SWAP70: variants seen among roughly 807,000 people sequenced by gnomAD.
The protein encoded by SWAP70 is switching B cell complex subunit SWAP70, also known as switch-associated protein 70.
SWAP70 carries 34 observed loss-of-function variants against 80.2 expected under a neutral mutation model. The ratio of observed to expected loss-of-function variants is 0.42; its 90% CI spans 0.32 to 0.56. The LOEUF (loss-of-function observed/expected upper bound fraction) is 0.56. SWAP70 is among the 20% of genes least tolerant of loss of function. The pLI is 0.09. For missense variants in SWAP70, 578 were observed against 690.7 expected (o/e 0.84, Z 1.83); for synonymous variants, 239 against 238.5 (o/e 1.00, Z -0.02).
intron 2 of SWAP70, among the ~76,000 whole-genome samples, chr11:9,710,269 A>G (rs2134470621): frequency 6.6e-6 from 1 of 152,314 alleles, no homozygotes; most frequent in Non-Finnish European, 1.5e-5. Flanking sequence ...AACATATAAA[A>G]TGCCTAGCAT....
intron 1 of SWAP70, among the ~76,000 whole-genome samples, chr11:9,690,911 T>A (rs1850690346): frequency 6.6e-6 from 1 of 151,982 alleles, no homozygotes; most frequent in African/African-American, 2.4e-5. Context: ...TATAATTAAT[T>A]AATTAATTTT....
intron 2 of SWAP70, among the ~76,000 whole-genome samples, chr11:9,699,756 T>A (rs890885335): frequency 6.6e-6 from 1 of 151,914 alleles, no homozygotes; most frequent in African/African-American, 2.4e-5. Flanking sequence ...CTTGAGAGAC[T>A]GAGGTGGGAG....
chr11:9,671,510 AAAT>A (rs1422980573), intron 1 of SWAP70, among the ~76,000 whole-genome samples: 4 of 87,828 alleles, frequency 4.6e-5, no homozygotes, highest in African/African-American at 1.7e-4. Context: ...AAATATATAT[AAAT>A]ATATATATAA....
intron 1 of SWAP70, among the ~76,000 whole-genome samples, chr11:9,670,823 G>A (rs1850366947): frequency 1.3e-5 from 2 of 151,410 alleles, no homozygotes; most frequent in South Asian, 2.1e-4. Context: ...GGGCCATCTC[G>A]GCTCACTGCA....
chr11:9,708,945 GAGT>G (rs1276582384), intron 2 of SWAP70, among the ~76,000 whole-genome samples: 1 of 152,168 alleles, frequency 6.6e-6, no homozygotes, highest in African/African-American at 2.4e-5. Flanking sequence ...ACCCAGACTA[GAGT>G]GTGAATTTGT....
At chr11:9,667,800 A>G (rs1850327251) in intron 1 of SWAP70, among the ~76,000 whole-genome samples, 1 of 152,216 alleles carries the variant, frequency 6.6e-6, no homozygotes, top group Non-Finnish European at 1.5e-5. Context: ...AGCTCAGACT[A>G]TATGCCTGCC....
At chr11:9,704,118 G>A (rs1237588232) in intron 2 of SWAP70, among the ~76,000 whole-genome samples, 1 of 152,022 alleles carries the variant, frequency 6.6e-6, no homozygotes, top group Non-Finnish European at 1.5e-5. Flanking sequence ...CCAAATTCTG[G>A]ATTTCTGAGA....
rs71034730 is a variant in SWAP70, at chr11:9,705,175, TTGGTGATCTGTATACAC to T, written c.241-8260_241-8244del. 1.4e-4 allele frequency among the ~76,000 whole-genome samples: 14 copies of T among 101,876 alleles called. 1 individual carries two copies. The highest frequency in any genetic ancestry group is 2.7e-4 in the South Asian group (1 of 3,694). 66.8% of individuals were successfully genotyped at this position (101,876 alleles called of 152,430 possible). A position where few individuals can be genotyped will look rare whatever the true frequency, so the allele number is the denominator to read the frequency against. On this transcript the variant is annotated intron_variant, in intron 2 of 11. Coordinates refer to ENST00000318950, the MANE Select transcript of SWAP70 (RefSeq NM_015055.4). ...GTATGCACTGGTGATATGTATATAC[TTGGTGATCTGTATACAC>T]TGGTGATCTGTATACACTGGTGATC...
At chr11:9,705,730 C>G (rs1172857432) in intron 2 of SWAP70, among the ~76,000 whole-genome samples, 2 of 141,498 alleles carry the variant, frequency 1.4e-5, no homozygotes, top group African/African-American at 5.9e-5. Context: ...TCTGTGTACA[C>G]TTGGTGATCT....
chr11:9,708,708 C>A lies in SWAP70; in HGVS notation c.241-4758C>A, dbSNP rs1476783435. 4.6e-5 allele frequency among the ~76,000 whole-genome samples: 7 copies of A among 152,196 alleles called. No homozygotes were observed. The South Asian group carries it at 1.4e-3, about 31-fold the overall frequency. On this transcript the variant is annotated intron_variant, in intron 2 of 11. Coordinates refer to ENST00000318950, the MANE Select transcript of SWAP70 (RefSeq NM_015055.4). ...ATCACTTCTTGTTCTCAGAGCAAGG[C>A]TATCTGCTTTTGTGCACATGTCATT...
At position 9,721,471 on chromosome 11, in the gene SWAP70, CTT is replaced by C. The variant is rs11331062; in HGVS notation, c.415-3173_415-3172del. 5.2e-3 allele frequency among the ~76,000 whole-genome samples: 719 copies of C among 138,072 alleles called. 6 individuals carry two copies. Among genetic ancestry groups the C allele is most frequent in the Non-Finnish European group, 8.3e-3 (536 of 64,266 alleles). 90.6% of individuals were successfully genotyped at this position (138,072 alleles called of 152,430 possible). On this transcript the variant is annotated intron_variant, in intron 3 of 11. Transcript: ENST00000318950. The stretch of plus-strand genomic sequence containing the variant: ...CTTTTAATATATTTTTTCTTTCTTT[CTT>C]TTTTTTTTTTTTTAATGAGATAGGG...
intron 9 of SWAP70, 73 bp downstream of exon 9, chr11:9,740,420 C>A: frequency 6.9e-7 from 1 of 1,452,242 alleles, no homozygotes; most frequent in Admixed American, 1.7e-5. Context: ...GAATGACTAA[C>A]ACTCTGGTGG....
At chr11:9,712,377 T>C (rs924248161) in intron 2 of SWAP70, among the ~76,000 whole-genome samples, 2 of 152,168 alleles carry the variant, frequency 1.3e-5, no homozygotes, top group African/African-American at 4.8e-5. Flanking sequence ...ACTGTGAACA[T>C]TTTAAGAGCA....
chr11:9,680,243 A>G (rs1850550505), intron 1 of SWAP70, among the ~76,000 whole-genome samples: 1 of 152,216 alleles, frequency 6.6e-6, no homozygotes, highest in African/African-American at 2.4e-5. Context: ...AACAAGTTCT[A>G]GAGTGTGTAG....
intron 2 of SWAP70, among the ~76,000 whole-genome samples, chr11:9,697,519 G>A (rs1021190054): frequency 3.3e-5 from 5 of 152,066 alleles, no homozygotes; most frequent in Admixed American, 2.0e-4. Context: ...TTGACCTCAG[G>A]TGATCCTCCC....
chr11:9,664,969 A>G, intron 1 of SWAP70, among the ~76,000 whole-genome samples: 1 of 152,132 alleles, frequency 6.6e-6, no homozygotes, highest in South Asian at 2.1e-4. Flanking sequence ...TGCAAAAGCG[A>G]CTGCTTTTTC....
In SWAP70 at chr11:9,671,800, A is replaced by T. The variant is rs1313249865; in HGVS notation, c.99+7522A>T. Among the ~76,000 whole-genome samples the T allele has an allele frequency of 8.6e-5, 8 of 92,760 alleles. 1 individual carries two copies. In the Admixed American group the frequency reaches 1.3e-3, roughly 15 times the overall value. 60.9% of individuals were successfully genotyped at this position (92,760 alleles called of 152,430 possible). ...ATAATATATTATTATTTATAAATAT[A>T]TATAAATATAAATATATAAATATAT... On this transcript the variant is annotated intron_variant, in intron 1 of 11. Transcript: ENST00000318950.
intron 1 of SWAP70, among the ~76,000 whole-genome samples, chr11:9,670,229 G>T (rs1202657087): frequency 6.6e-6 from 1 of 152,136 alleles, no homozygotes; most frequent in Non-Finnish European, 1.5e-5. Context: ...GTGGGTCAAG[G>T]TATGAGCCTT....
chr11:9,739,248 C>T (rs1041220554), intron 8 of SWAP70, among the ~76,000 whole-genome samples: 1 of 152,228 alleles, frequency 6.6e-6, no homozygotes, highest in African/African-American at 2.4e-5. Flanking sequence ...GAGTGATACT[C>T]TGTCAGAGAG....
Sources: allele counts gnomAD v4.1 joint callset (sites outside exome capture counted in the v4.1 genomes callset), GRCh38; gene constraint gnomAD v4.1.1; transcripts MANE v1.5; gene names NCBI Gene and HGNC (gene_info 2026-07-23, HGNC 2026-07-21).